NRXN3: variants seen among roughly 807,000 people sequenced by gnomAD.
The protein encoded by NRXN3 is neurexin 3.
Under a neutral mutation model 137.6 loss-of-function variants are expected in NRXN3, and 32 were observed. The ratio of observed to expected loss-of-function variants is 0.23; its 90% confidence interval spans 0.18 to 0.31. The LOEUF (loss-of-function observed/expected upper bound fraction) is 0.31, where lower values mean the gene tolerates loss of function less well. Among genes scored for constraint, NRXN3 ranks in the 10% least tolerant of loss-of-function variants. The pLI, the probability that NRXN3 is intolerant of heterozygous loss-of-function variation, is 1.00. For synonymous variants in NRXN3, 798 were observed against 784.5 expected, an observed-to-expected ratio of 1.02 and a Z score of -0.29; for missense variants, 1,574 against 2,062.5, an observed-to-expected ratio of 0.76 and a Z score of 4.59.
intron 4 of NRXN3, among the ~76,000 whole-genome samples, chr14:78,313,690 A>G (rs1256104654): frequency 1.3e-5 from 2 of 152,122 alleles, no homozygotes; most frequent in Non-Finnish European, 2.9e-5. Context: ...CATCATTTCA[A>G]TTAATTTCAC....
intron 15 of NRXN3, among the ~76,000 whole-genome samples, chr14:79,385,216 C>CCCA (rs1184863264): frequency 2.4e-5 from 3 of 127,084 alleles, no homozygotes; most frequent in African/African-American, 8.3e-5. Context: ...CCCCCGCCCC[C>CCCA]ACCCCACCAC....
At chr14:79,305,613 C>T (rs1368159607) in intron 15 of NRXN3, among the ~76,000 whole-genome samples, 1 of 152,048 alleles carries the variant, frequency 6.6e-6, no homozygotes, top group African/African-American at 2.4e-5. Flanking sequence ...AGGGCTAGAA[C>T]CCCGGGGATT....
chr14:78,720,591 C>T (rs2152865644), intron 8 of NRXN3, among the ~76,000 whole-genome samples: 1 of 152,292 alleles, frequency 6.6e-6, no homozygotes, highest in African/African-American at 2.4e-5. Context: ...TTCAATCTAT[C>T]TCAGCAAGTC....
At chr14:78,817,913 A>G (rs561701209) in intron 10 of NRXN3, among the ~76,000 whole-genome samples, 3 of 152,282 alleles carry the variant, frequency 2.0e-5, no homozygotes, top group Admixed American at 2.0e-4. Flanking sequence ...AACCATAGCA[A>G]GATATATGGA....
intron 16 of NRXN3, among the ~76,000 whole-genome samples, chr14:79,497,819 G>A (rs1229719532): frequency 6.6e-6 from 1 of 152,004 alleles, no homozygotes; most frequent in East Asian, 1.9e-4. Context: ...GGTGGATCAC[G>A]AGGTCAGGAG....
At chr14:78,504,371 A>G (rs2095940478) in intron 4 of NRXN3, among the ~76,000 whole-genome samples, 1 of 152,220 alleles carries the variant, frequency 6.6e-6, no homozygotes, top group African/African-American at 2.4e-5. Flanking sequence ...GACTAGCCCT[A>G]GCTGAGTAAC....
chr14:78,933,725 A>G (rs11849200), intron 10 of NRXN3, among the ~76,000 whole-genome samples: 9,574 of 152,276 alleles, frequency 0.063, 816 homozygotes, highest in East Asian at 0.37. Flanking sequence ...GGTCAAATCT[A>G]GCTAATTAAC....
In NRXN3 at chr14:79,359,783, G is replaced by A. The variant is rs114384407; in HGVS notation, c.3263-107438G>A. On this transcript the variant is annotated intron_variant, in intron 15 of 20. Transcript: ENST00000335750. ...ATGGGGTTTCACCATGTTGAGCAGA[G>A]CAATAACTCTGTAGGGAATCACCCT... Among the ~76,000 whole-genome samples, 555 of 150,706 alleles carry A rather than the reference G, an allele frequency of 3.7e-3. 3 individuals carry two copies. Among genetic ancestry groups the A allele is most frequent in the African/African-American group, 0.012 (512 of 41,194 alleles).
chr14:78,694,812 T>G (rs1393606365), intron 6 of NRXN3, among the ~76,000 whole-genome samples: 3 of 152,002 alleles, frequency 2.0e-5, no homozygotes, highest in Admixed American at 6.6e-5. Flanking sequence ...AGTCCATGTA[T>G]AGCAAGCCTC....
At chr14:78,780,425 C>A (rs1294486369) in intron 8 of NRXN3, among the ~76,000 whole-genome samples, 3 of 151,786 alleles carry the variant, frequency 2.0e-5, no homozygotes, top group Admixed American at 2.0e-4. Flanking sequence ...GGGAAAAAAG[C>A]ATAGATCATT....
intron 15 of NRXN3, among the ~76,000 whole-genome samples, chr14:79,227,412 C>T (rs1568682556): frequency 6.6e-6 from 1 of 152,084 alleles, no homozygotes; most frequent in African/African-American, 2.4e-5. Context: ...GTCATGTGTA[C>T]ACTTTTTTTA....
Position 78,699,804 on chromosome 14 carries a change from C to G in NRXN3, c.1222-9413C>G, listed in dbSNP as rs76806838. On this transcript the variant is annotated intron_variant, in intron 6 of 20. Coordinates refer to ENST00000335750, the MANE Select transcript of NRXN3 (RefSeq NM_001330195.2). ...AAACAGAAGGAAATGTAGGCATTCTCTGGGTAGGTTTGTTTAGTGCCTAAG... is the reference window on the plus strand; with the variant it reads ...AAACAGAAGGAAATGTAGGCATTCTGTGGGTAGGTTTGTTTAGTGCCTAAG... Among the ~76,000 whole-genome samples the G allele has an allele frequency of 3.8e-3, 576 of 152,310 alleles. 17 individuals carry two copies. In the East Asian group the frequency reaches 0.079, roughly 21 times the overall value.
intron 19 of NRXN3, among the ~76,000 whole-genome samples, chr14:79,731,634 CCCTT>C (rs1320123290): frequency 2.7e-5 from 4 of 147,742 alleles, no homozygotes; most frequent in Non-Finnish European, 4.5e-5. Flanking sequence ...CCTATTTTTT[CCCTT>C]CCTTCTTTTT....
At chr14:79,744,175 T>G (rs754411172) in intron 19 of NRXN3, among the ~76,000 whole-genome samples, 1 of 152,202 alleles carries the variant, frequency 6.6e-6, no homozygotes, top group Non-Finnish European at 1.5e-5. Context: ...ATGAGGTGAC[T>G]ACTGTTGTTG....
intron 15 of NRXN3, among the ~76,000 whole-genome samples, chr14:79,389,322 AAG>A (rs2094759416): frequency 6.6e-6 from 1 of 152,194 alleles, no homozygotes; most frequent in Admixed American, 6.5e-5. Flanking sequence ...GGTGGAAAAC[AAG>A]AGAGAGAACA....
intron 10 of NRXN3, among the ~76,000 whole-genome samples, chr14:78,863,146 G>A (rs1360628210): frequency 6.6e-6 from 1 of 152,074 alleles, no homozygotes; most frequent in East Asian, 1.9e-4. Flanking sequence ...ATCCCTGTGA[G>A]TCCACAAGTC....
intron 15 of NRXN3, among the ~76,000 whole-genome samples, chr14:79,001,912 C>T (rs1278207054): frequency 3.9e-5 from 6 of 152,118 alleles, no homozygotes; most frequent in African/African-American, 1.4e-4. Context: ...TTTTGTAAAG[C>T]TTCAGGTAGA....
intron 15 of NRXN3, among the ~76,000 whole-genome samples, chr14:79,097,714 A>C (rs2050596370): frequency 2.0e-5 from 3 of 152,262 alleles, no homozygotes; most frequent in Middle Eastern, 3.4e-3. Flanking sequence ...ATTTCAATAT[A>C]TCTTATATAA....
chr14:78,943,618 AAAAATATATATAT>A (rs1281775115), intron 10 of NRXN3, among the ~76,000 whole-genome samples: 39 of 39,950 alleles, frequency 9.8e-4, no homozygotes, highest in Admixed American at 3.3e-3. Flanking sequence ...GTTAAAAAAA[AAAAATATATATAT>A]ATATATATAT....
Sources: gnomAD v4.1 joint callset for allele counts (sites outside exome capture counted in the v4.1 genomes callset) on GRCh38, gnomAD v4.1.1 for gene constraint, MANE v1.5 for transcripts, NCBI Gene and HGNC (gene_info 2026-07-23, HGNC 2026-07-21) for gene names.